Variants in PCDHA3 observed in about 807,000 individuals in gnomAD.
The protein encoded by PCDHA3 is protocadherin alpha-3.
A neutral mutation model predicts 62.2 loss-of-function variants in PCDHA3; 41 were observed. The observed-to-expected ratio is 0.66, with a 90% CI of 0.51 to 0.86. The LOEUF is 0.86. Among genes scored for constraint, PCDHA3 ranks in the 40% least tolerant of loss-of-function variants. The probability of loss-of-function intolerance (pLI) is 0.00; values close to 1 mark genes in which losing one functional copy is unlikely to be tolerated. For missense variants in PCDHA3, 1,304 were observed against 1,241.2 expected, an observed-to-expected ratio of 1.05 and a Z score of -0.76; for synonymous variants, 640 against 555.4, an observed-to-expected ratio of 1.15 and a Z score of -2.14.
chr5:140,884,454 A>G, intron 1 of PCDHA3: 2 of 1,613,688 alleles, frequency 1.2e-6, no homozygotes, highest in Non-Finnish European at 1.7e-6. Flanking sequence ...CCGCCCACCG[A>G]GGGCGCGTGC....
At chr5:140,884,681 A>G (rs2060314464) in intron 1 of PCDHA3, 1 of 1,546,928 alleles carries the variant, frequency 6.5e-7, no homozygotes, top group Non-Finnish European at 8.7e-7. Flanking sequence ...ATATTTTAAA[A>G]AATTGTCTTA....
intron 1 of PCDHA3, chr5:140,807,070 A>G (rs1554123734): frequency 1.7e-6 from 2 of 1,178,500 alleles, no homozygotes; most frequent in Non-Finnish European, 2.4e-6. Flanking sequence ...AAGGAACCAT[A>G]TACACTCTTT....
Position 140,846,464 on chromosome 5 carries a change from T to G in PCDHA3, c.2394+42873T>G, listed in dbSNP as rs2150391195. Among the ~76,000 whole-genome samples, 4 of 138,432 alleles carry G rather than the reference T, an allele frequency of 2.9e-5. No homozygotes were observed. In the South Asian group the frequency reaches 1.0e-3, roughly 35 times the overall value. The allele number at this position is 138,432 out of a possible 152,430, so 90.8% of individuals were successfully genotyped here. On this transcript the variant is annotated intron_variant, in intron 1 of 3. Transcript: ENST00000522353. ...ATCTCGGCTCACTGCAACCTCTGCC[T>G]CCCGGGTTCAAATGATTCTCCTTCC...
intron 1 of PCDHA3, chr5:140,870,398 C>T: frequency 1.2e-6 from 2 of 1,614,234 alleles, no homozygotes; most frequent in Non-Finnish European, 1.7e-6. Context: ...GGGGGTTCGC[C>T]TTCTCTGTGG....
intron 1 of PCDHA3, among the ~76,000 whole-genome samples, chr5:140,912,343 A>ATT (rs35252606): frequency 2.1e-4 from 30 of 143,908 alleles, no homozygotes; most frequent in African/African-American, 6.1e-4. Context: ...TACACTAAGT[A>ATT]TTTTTTTTTT....
chr5:140,848,207 C>A (rs1279518262), intron 1 of PCDHA3: 2 of 340,884 alleles, frequency 5.9e-6, no homozygotes, highest in Non-Finnish European at 1.1e-5. Context: ...ACAATCATTA[C>A]TTAAGAAAAA....
At position 140,877,378 on chromosome 5, in the gene PCDHA3, A is replaced by G; in HGVS notation, c.2394+73787A>G. 2 of 1,613,974 alleles carry G rather than the reference A, an allele frequency of 1.2e-6. No individual in the cohort carries two copies. Among genetic ancestry groups the G allele is most frequent in the South Asian group, 1.1e-5 (1 of 91,086 alleles). On this transcript the variant is annotated intron_variant, in intron 1 of 3. Transcript: ENST00000522353. ...CACTGGCGAGATCAGCACGACACGC[A>G]TCCTGGATGAGGCGGACGCTCCGCG...
In PCDHA3 at chr5:140,803,522, C is replaced by G; in HGVS notation, c.2325C>G (p.Ser775Arg). Residue 775 changes from serine (S) to arginine (R), a missense_variant, in exon 1 of 4, where the codon AGC becomes AGG. By Grantham distance (110) the Ser-to-Arg change is moderately radical. Transcript: ENST00000522353. The stretch of plus-strand genomic sequence containing the variant: ...CCGACCTCATGGCTTTTAGCCCTAG[C>G]CTTCCTCCTTGTCCAATTAGCCGGG... ...PKTDLMAFSPSLPPCPISRDR... is the reference protein window; with the variant it reads ...PKTDLMAFSPRLPPCPISRDR... 1.2e-6 allele frequency: 2 copies of G among 1,614,246 alleles called. No individual in the cohort carries two copies. The highest frequency in any genetic ancestry group is 1.7e-6 in the Non-Finnish European group (2 of 1,180,048).
intron 1 of PCDHA3, among the ~76,000 whole-genome samples, chr5:140,916,262 G>A: frequency 6.6e-6 from 1 of 152,202 alleles, no homozygotes; most frequent in East Asian, 1.9e-4. Flanking sequence ...GACCCCAAGA[G>A]CATGCTTGTT....
chr5:140,833,449 T>C (rs2150208645), intron 1 of PCDHA3, among the ~76,000 whole-genome samples: 13 of 152,180 alleles, frequency 8.5e-5, no homozygotes, highest in African/African-American at 3.1e-4. Context: ...ATTTATCTAA[T>C]AAAATAAACT....
intron 1 of PCDHA3, among the ~76,000 whole-genome samples, chr5:140,818,324 C>T (rs2150100800): frequency 6.6e-6 from 1 of 152,092 alleles, no homozygotes; most frequent in Admixed American, 6.6e-5. Context: ...GGAATTTTAT[C>T]TTGTTATTCT....
rs552289184 is a variant in PCDHA3, at chr5:140,942,884, T to C, written c.2395-36065T>C. 7.9e-5 allele frequency among the ~76,000 whole-genome samples: 12 copies of C among 152,178 alleles called. No individual in the cohort carries two copies. In the East Asian group the frequency reaches 2.3e-3, roughly 29 times the overall value. ...TGCTTTAGCATGACAACTTTTTTCC[T>C]AAAATTTATCTCTAAGAATAAGCGT... On this transcript the variant is annotated intron_variant, in intron 1 of 3. Transcript: ENST00000522353.
chr5:140,938,439 A>C (rs2092064072), intron 1 of PCDHA3, among the ~76,000 whole-genome samples: 1 of 152,208 alleles, frequency 6.6e-6, no homozygotes, highest in African/African-American at 2.4e-5. Flanking sequence ...TATCAGATTT[A>C]TTAAGTTCCC....
At chr5:140,884,659 A>G in intron 1 of PCDHA3, 1 of 1,597,068 alleles carries the variant, frequency 6.3e-7, no homozygotes, top group Non-Finnish European at 8.5e-7. Flanking sequence ...AATGCTTGAA[A>G]GAGGTAAGCT....
At chr5:140,809,588 C>T (rs531817077) in intron 1 of PCDHA3, 19 of 1,541,288 alleles carry the variant, frequency 1.2e-5, no homozygotes, top group Non-Finnish European at 1.7e-5. Flanking sequence ...TGTATAACAT[C>T]CTTTTGTTTA....
At chr5:140,829,888 C>T (rs150204488) in intron 1 of PCDHA3, 519 of 1,613,790 alleles carry the variant, frequency 3.2e-4, no homozygotes, top group Non-Finnish European at 4.2e-4. Context: ...CAGTTGACGC[C>T]GACTCAGGCT....
rs782212000 is a variant in PCDHA3, at chr5:140,802,477, C to T, written c.1280C>T (p.Ala427Val). ...TCGGCCTATGAGCTGGTGGTGACTGCTCGGGACGGGGGCTCGCCTTCACTG... is the reference window on the plus strand; with the variant it reads ...TCGGCCTATGAGCTGGTGGTGACTGTTCGGGACGGGGGCTCGCCTTCACTG... ...SVSAYELVVT[A>V]RDGGSPSLWA... The change falls in exon 1 of 4, where the codon GCT becomes GTT. Residue 427 changes from alanine to valine, a missense_variant. Ala to Val is a moderately conservative substitution (Grantham distance 64). Coordinates refer to ENST00000522353, the MANE Select transcript of PCDHA3 (RefSeq NM_018906.3). The T allele has an allele frequency of 4.3e-6, 7 of 1,614,218 alleles. No individual in the cohort carries two copies. The Admixed American group carries it at 1.0e-4, about 23-fold the overall frequency.
At chr5:140,840,780 T>G (rs1429191969) in intron 1 of PCDHA3, among the ~76,000 whole-genome samples, 1 of 152,072 alleles carries the variant, frequency 6.6e-6, no homozygotes, top group Admixed American at 6.5e-5. Flanking sequence ...AAAGTTAGAA[T>G]TATATGCTCA....
At chr5:140,877,821 T>A in intron 1 of PCDHA3, 1 of 1,603,344 alleles carries the variant, frequency 6.2e-7, no homozygotes, top group East Asian at 2.2e-5. Flanking sequence ...GAGAAGATTG[T>A]TTAAATCCTC....
Sources: gnomAD v4.1 joint callset for allele counts (sites outside exome capture counted in the v4.1 genomes callset) on GRCh38, gnomAD v4.1.1 for gene constraint, MANE v1.5 for transcripts, NCBI Gene and HGNC (gene_info 2026-07-23, HGNC 2026-07-21) for gene names.